Variants in ABCC9 observed in about 807,000 individuals in gnomAD.
ABCC9 encodes the protein ATP-binding cassette sub-family C member 9.
A neutral mutation model predicts 188.3 loss-of-function variants in ABCC9; 95 were observed. The observed-to-expected ratio is 0.50, with a 90% confidence interval of 0.43 to 0.60. ABCC9 has a LOEUF of 0.60. ABCC9 is among the 20% of genes least tolerant of loss of function. The probability of loss-of-function intolerance (pLI) is 0.00; values close to 1 mark genes in which losing one functional copy is unlikely to be tolerated. For synonymous variants in ABCC9, 659 were observed against 652.7 expected, an observed-to-expected ratio of 1.01 and a Z score of -0.15; for missense variants, 1,102 against 1,876.3, an observed-to-expected ratio of 0.59 and a Z score of 7.62.
intron 5 of ABCC9, 72 bp downstream of exon 5, chr12:21,925,870 A>G: frequency 6.6e-7 from 1 of 1,514,810 alleles, no homozygotes; most frequent in Non-Finnish European, 9.1e-7. Context: ...CCTGAGGAAA[A>G]AGAAAAATAA....
At chr12:21,870,173 A>C (rs1945995546) in intron 18 of ABCC9, among the ~76,000 whole-genome samples, 1 of 152,180 alleles carries the variant, frequency 6.6e-6, no homozygotes, top group Non-Finnish European at 1.5e-5. Flanking sequence ...TTTACTTTTG[A>C]ATAAATTTTA....
intron 8 of ABCC9, among the ~76,000 whole-genome samples, chr12:21,911,914 A>G (rs1401766133): frequency 6.6e-6 from 1 of 152,072 alleles, no homozygotes; most frequent in Non-Finnish European, 1.5e-5. Flanking sequence ...AATGTATGCA[A>G]GGATCTGGGC....
chr12:21,841,826 A>G (rs767164197), intron 29 of ABCC9, among the ~76,000 whole-genome samples: 2 of 152,184 alleles, frequency 1.3e-5, no homozygotes, highest in Non-Finnish European at 2.9e-5. Flanking sequence ...TATAATATTA[A>G]TTGATACCTA....
chr12:21,867,087 G>C (rs1364269762), intron 18 of ABCC9, among the ~76,000 whole-genome samples: 1 of 151,706 alleles, frequency 6.6e-6, no homozygotes, highest in Non-Finnish European at 1.5e-5. Flanking sequence ...TTTTCTTTCA[G>C]AGAAAGAAAA....
At chr12:21,813,458 A>G (rs1307748937) in intron 35 of ABCC9, among the ~76,000 whole-genome samples, 1 of 152,202 alleles carries the variant, frequency 6.6e-6, no homozygotes, top group Non-Finnish European at 1.5e-5. Flanking sequence ...CAGAAATAAT[A>G]AATTATGAAT....
intron 5 of ABCC9, among the ~76,000 whole-genome samples, chr12:21,922,372 T>C (rs1948857729): frequency 6.6e-6 from 1 of 151,988 alleles, no homozygotes; most frequent in African/African-American, 2.4e-5. Context: ...GCTTGCATTC[T>C]AGGGATAAAT....
At chr12:21,847,191 C>T (rs1189675355) in intron 25 of ABCC9, among the ~76,000 whole-genome samples, 1 of 152,138 alleles carries the variant, frequency 6.6e-6, no homozygotes, top group Non-Finnish European at 1.5e-5. Context: ...AAGCCAAGGG[C>T]ACAGTCAGCA....
At chr12:21,898,290 GTTGTTA>G (rs1947525646) in intron 12 of ABCC9, among the ~76,000 whole-genome samples, 1 of 152,166 alleles carries the variant, frequency 6.6e-6, no homozygotes, top group Non-Finnish European at 1.5e-5. Flanking sequence ...TGTTGTTGTT[GTTGTTA>G]TTGTTATTAT....
chr12:21,873,289 C>T (rs999804430), intron 17 of ABCC9, among the ~76,000 whole-genome samples: 4 of 151,924 alleles, frequency 2.6e-5, no homozygotes, highest in African/African-American at 9.7e-5. Flanking sequence ...CTTTTTGATG[C>T]TATTGTGGAT....
At chr12:21,871,864 T>C (rs148689284) in intron 18 of ABCC9, among the ~76,000 whole-genome samples, 151 of 152,324 alleles carry the variant, frequency 9.9e-4, no homozygotes, top group African/African-American at 3.4e-3. Context: ...CACTGGTCTA[T>C]AGCCTAATTT....
chr12:21,871,715 G>A (rs938571277), intron 18 of ABCC9, among the ~76,000 whole-genome samples: 2 of 152,142 alleles, frequency 1.3e-5, no homozygotes, highest in African/African-American at 4.8e-5. Context: ...GAGCTGTCCT[G>A]TGCACTGTAG....
At chr12:21,833,857 C>G (rs1267396423) in intron 30 of ABCC9, among the ~76,000 whole-genome samples, 4 of 152,172 alleles carry the variant, frequency 2.6e-5, no homozygotes. Context: ...CCGCCTATAT[C>G]TCCACTTCTT....
intron 30 of ABCC9, 141 bp from the exon 31 acceptor site, chr12:21,829,201 T>TG (rs1266314867): frequency 1.8e-6 from 1 of 567,658 alleles, no homozygotes; most frequent in African/African-American, 2.8e-5. Context: ...CTTTTTTTTT[T>TG]TTTTTTTTTT....
At chr12:21,821,254 C>T (rs7966764) in intron 31 of ABCC9, among the ~76,000 whole-genome samples, 1 of 152,072 alleles carries the variant, frequency 6.6e-6, no homozygotes, top group African/African-American at 2.4e-5. Flanking sequence ...AGTCCAACAC[C>T]GAGTTTTATA....
At chr12:21,824,979 C>T (rs1282264428) in intron 31 of ABCC9, among the ~76,000 whole-genome samples, 1 of 151,752 alleles carries the variant, frequency 6.6e-6, no homozygotes, top group Non-Finnish European at 1.5e-5. Context: ...TTCAAAAAAC[C>T]AGCTTCTGGA....
At chr12:21,927,380 G>T (rs1281584654) in intron 4 of ABCC9, among the ~76,000 whole-genome samples, 1 of 152,154 alleles carries the variant, frequency 6.6e-6, no homozygotes, top group Non-Finnish European at 1.5e-5. Flanking sequence ...TGGAGGGAGA[G>T]AAATGGAAGG....
chr12:21,807,321 T>G, intron 38 of ABCC9, 25 bp downstream of exon 38: 2 of 1,613,722 alleles, frequency 1.2e-6, no homozygotes, highest in African/African-American at 1.3e-5. Flanking sequence ...TTCGTCAATT[T>G]TAAAAGCTTA....
chr12:21,935,061 T>A (rs1293658216), intron 3 of ABCC9, among the ~76,000 whole-genome samples: 1 of 152,062 alleles, frequency 6.6e-6, no homozygotes, highest in Non-Finnish European at 1.5e-5. Flanking sequence ...AAGTCTGAAT[T>A]TTTTCTATTT....
chr12:21,807,225 T>C (rs1265591202), intron 38 of ABCC9, 121 bp downstream of exon 38: 2 of 1,348,690 alleles, frequency 1.5e-6, no homozygotes, highest in Non-Finnish European at 2.1e-6. Flanking sequence ...AGTAGATGAT[T>C]GAGCAGATTC....
Sources: allele counts gnomAD v4.1 joint callset (sites outside exome capture counted in the v4.1 genomes callset), GRCh38; gene constraint gnomAD v4.1.1; transcripts MANE v1.5; gene names NCBI Gene and HGNC (gene_info 2026-07-23, HGNC 2026-07-21).